TMPRSS3: variants seen among roughly 807,000 people sequenced by gnomAD.
TMPRSS3 encodes the protein transmembrane serine protease 3, also known as transmembrane protease serine 3.
In TMPRSS3, 55 loss-of-function variants were observed where a neutral mutation model predicts 59.6. The ratio of observed to expected loss-of-function variants is 0.92; its 90% confidence interval spans 0.74 to 1.16. The LOEUF (loss-of-function observed/expected upper bound fraction) is 1.16, where lower values mean the gene tolerates loss of function less well. TMPRSS3 is among the 50% of genes most tolerant of loss of function. TMPRSS3 has a pLI of 0.00. For synonymous variants in TMPRSS3, 257 were observed against 237.7 expected (o/e 1.08, Z -0.75); for missense variants, 596 against 579.4 (o/e 1.03, Z -0.29).
At position 42,382,153 on chromosome 21, in the gene TMPRSS3, C is replaced by T; in HGVS notation, c.864G>A (p.Glu288=). ...LDNPAPSHLV[E]KIVYHSKYKP... is the part of the protein sequence containing the mutation. ...TGTACTTGCTGTGGTAGACAATCTTCTCCACCAAGTGGGATGGGGCTGGAT... is the reference window on the plus strand; with the variant it reads ...TGTACTTGCTGTGGTAGACAATCTTTTCCACCAAGTGGGATGGGGCTGGAT... Residue 288 remains glutamate, a synonymous_variant, in exon 9 of 13, where the codon GAG becomes GAA. Transcript: ENST00000644384. 1 of 1,614,192 alleles carries T rather than the reference C, an allele frequency of 6.2e-7. No homozygotes were observed. Among genetic ancestry groups the T allele is most frequent in the Non-Finnish European group, 8.5e-7 (1 of 1,180,002 alleles).
At chr21:42,379,834 C>T (rs1421189699) in intron 10 of TMPRSS3, among the ~76,000 whole-genome samples, 2 of 152,190 alleles carry the variant, frequency 1.3e-5, no homozygotes, top group East Asian at 3.9e-4. Flanking sequence ...GTTAACAAGG[C>T]CGGGGGTCCG....
intron 2 of TMPRSS3, among the ~76,000 whole-genome samples, chr21:42,391,002 A>C (rs73372248): frequency 0.063 from 9,560 of 152,218 alleles, 414 homozygotes; most frequent in South Asian, 0.17. Context: ...TGAGACAATA[A>C]ATTCCTGTTG....
intron 10 of TMPRSS3, among the ~76,000 whole-genome samples, chr21:42,378,788 G>A (rs1161717724): frequency 6.6e-6 from 1 of 152,102 alleles, no homozygotes; most frequent in Non-Finnish European, 1.5e-5. Flanking sequence ...CATGATCACG[G>A]CTCACTGCAG....
chr21:42,383,193 C>T lies in TMPRSS3; in HGVS notation c.622G>A (p.Gly208Ser), dbSNP rs904660808. 10 of 1,611,626 alleles carry T rather than the reference C, an allele frequency of 6.2e-6. No homozygotes were observed. The highest frequency in any genetic ancestry group is 8.5e-6 in the Non-Finnish European group (10 of 1,179,604). The change falls in exon 8 of 13, where the codon GGT (glycine) becomes AGT (serine). Residue 208 changes from glycine (G) to serine (S), a missense_variant. Coordinates refer to ENST00000644384, the MANE Select transcript of TMPRSS3 (RefSeq NM_001256317.3). ...CGTGAGCTGTAGCCCCTTCTATGAC[C>T]ACAGGCTATGGAGGGGAACAAAGGC... The part of the protein sequence containing the change: ...HVVTLQCTAC[G>S]HRRGYSSRIV...
intron 2 of TMPRSS3, chr21:42,390,255 T>G (rs1209718425): frequency 5.3e-6 from 3 of 566,584 alleles, no homozygotes; most frequent in Non-Finnish European, 9.6e-6. Context: ...CCATGGGGGA[T>G]GAGGGGATGT....
intron 5 of TMPRSS3, 61 bp from the exon 6 acceptor site, chr21:42,385,595 C>A (rs544424608): frequency 1.4e-5 from 23 of 1,601,614 alleles, no homozygotes; most frequent in Non-Finnish European, 1.9e-5. Context: ...AGCATTCAAC[C>A]GATGTGCGAG....
At chr21:42,374,477 A>G (rs1032722523) in intron 12 of TMPRSS3, among the ~76,000 whole-genome samples, 1 of 152,246 alleles carries the variant, frequency 6.6e-6, no homozygotes, top group African/African-American at 2.4e-5. Context: ...TCAGCATTTG[A>G]TGTCCTTTCT....
Position 42,375,303 on chromosome 21 carries a change from G to A in TMPRSS3, c.1344+413C>T, listed in dbSNP as rs770929248. On this transcript the variant is annotated intron_variant, in intron 12 of 12. Transcript: ENST00000644384. ...CTGCCTCTCATCCCTGGCTCCCAGC[G>A]AGGTTCCAGCCCCTCAGCAGGCAGG... is the stretch of plus-strand genomic sequence containing the variant. Among the ~76,000 whole-genome samples the A allele has an allele frequency of 1.3e-4, 19 of 144,540 alleles. 1 individual carries two copies. The highest frequency in any genetic ancestry group is 2.5e-4 in the Non-Finnish European group (17 of 67,052). The allele number at this position is 144,540 out of a possible 152,430, so 94.8% of individuals were successfully genotyped here.
At chr21:42,386,238 C>T (rs564931746) in intron 5 of TMPRSS3, among the ~76,000 whole-genome samples, 1 of 152,324 alleles carries the variant, frequency 6.6e-6, no homozygotes, top group Admixed American at 6.5e-5. Flanking sequence ...AAACACAGTA[C>T]AGTAGGCTTG....
intron 12 of TMPRSS3, among the ~76,000 whole-genome samples, chr21:42,373,408 G>A (rs750380892): frequency 5.3e-5 from 8 of 152,214 alleles, no homozygotes; most frequent in Non-Finnish European, 8.8e-5. Flanking sequence ...CAGGGAGCAG[G>A]GGCCCCAGGC....
chr21:42,380,322 G>A (rs1030830685), intron 9 of TMPRSS3, 110 bp from the exon 10 acceptor site: 1 of 889,664 alleles, frequency 1.1e-6, no homozygotes, highest in Non-Finnish European at 1.8e-6. Flanking sequence ...CCAAGGGAAG[G>A]AAGGTCAAGC....
chr21:42,383,894 A>T, intron 7 of TMPRSS3, 76 bp downstream of exon 7: 2 of 1,483,936 alleles, frequency 1.3e-6, no homozygotes, highest in Non-Finnish European at 1.9e-6. Flanking sequence ...ATGGGGGGAG[A>T]GGACTCTGAG....
At position 42,389,343 on chromosome 21, in the gene TMPRSS3, G is replaced by A. The variant is rs145424865; in HGVS notation, c.206-298C>T. Among the ~76,000 whole-genome samples, 95 of 152,320 alleles carry A rather than the reference G, an allele frequency of 6.2e-4. 1 individual carries two copies. The highest frequency in any genetic ancestry group is 1.9e-3 in the African/African-American group (77 of 41,564). ...GAGAGAAACTGCATGGCGGGGGGCC[G>A]ACCTGCTGAGCCAGCCGAGCAAGGA... On this transcript the variant is annotated intron_variant, in intron 3 of 12. Coordinates refer to ENST00000644384, the MANE Select transcript of TMPRSS3 (RefSeq NM_001256317.3).
chr21:42,381,869 C>G (rs1159817505), intron 9 of TMPRSS3, 196 bp downstream of exon 9: 4 of 754,928 alleles, frequency 5.3e-6, no homozygotes, highest in African/African-American at 1.7e-5. Flanking sequence ...CTTGTCATAC[C>G]AAGAGCTAGG....
chr21:42,382,809 C>G (rs1244074887), intron 8 of TMPRSS3: 9 of 618,260 alleles, frequency 1.5e-5, no homozygotes, highest in Non-Finnish European at 2.0e-5. Flanking sequence ...TCTGCCCTTT[C>G]TCTAGGAGCT....
At chr21:42,383,812 C>T (rs201418605) in intron 7 of TMPRSS3, 158 bp downstream of exon 7, 8 of 783,292 alleles carry the variant, frequency 1.0e-5, no homozygotes, top group African/African-American at 1.7e-5. Context: ...GATGACACTG[C>T]TCCCCTCCTC....
intron 1 of TMPRSS3, 48 bp from the exon 2 acceptor site, chr21:42,395,516 T>C: frequency 2.0e-6 from 2 of 1,009,828 alleles, no homozygotes; most frequent in Non-Finnish European, 1.5e-6. Context: ...TTTATACTTG[T>C]AGCATCAGGT....
intron 7 of TMPRSS3, 96 bp from the exon 8 acceptor site, chr21:42,383,294 C>A (rs2052568334): frequency 7.5e-7 from 1 of 1,336,750 alleles, no homozygotes; most frequent in Non-Finnish European, 1.1e-6. Context: ...TCCCCACCCT[C>A]ACTGCCCCTG....
chr21:42,392,844 T>C (rs2052750446), intron 2 of TMPRSS3, among the ~76,000 whole-genome samples: 1 of 152,228 alleles, frequency 6.6e-6, no homozygotes, highest in South Asian at 2.1e-4. Flanking sequence ...AATCAAAGAT[T>C]GACATTTAAT....
Sources: gnomAD v4.1 joint callset for allele counts (sites outside exome capture counted in the v4.1 genomes callset) on GRCh38, gnomAD v4.1.1 for gene constraint, MANE v1.5 for transcripts, NCBI Gene and HGNC (gene_info 2026-07-23, HGNC 2026-07-21) for gene names.